The following ZNF613 variants were observed in gnomAD, a reference collection of about 807,000 sequenced individuals.
ZNF613 encodes zinc finger protein 613.
ZNF613 carries 8 observed loss-of-function variants against 14.3 expected under a neutral mutation model. The observed-to-expected ratio is 0.56, with a 90% CI of 0.33 to 1.01. ZNF613 has a LOEUF of 1.01. Among genes scored for constraint, ZNF613 ranks in the 50% least tolerant of loss-of-function variants. ZNF613 has a pLI of 0.03. For missense variants in ZNF613, 656 were observed against 741.9 expected (o/e 0.88, Z 1.35); for synonymous variants, 228 against 254.5 (o/e 0.90, Z 0.99).
intron 2 of ZNF613, among the ~76,000 whole-genome samples, chr19:51,931,830 C>T (rs1373858758): frequency 2.6e-5 from 4 of 152,144 alleles, no homozygotes; most frequent in South Asian, 2.1e-4. Flanking sequence ...CCGATTCTGT[C>T]GCTGTTTGGG....
At chr19:51,935,207 G>GC (rs2085297196) in intron 2 of ZNF613, among the ~76,000 whole-genome samples, 1 of 152,192 alleles carries the variant, frequency 6.6e-6, no homozygotes, top group East Asian at 1.9e-4. Context: ...CTGCTTTCAG[G>GC]CCAAGGGTGT....
Position 51,945,988 on chromosome 19 carries a change from A to G in ZNF613, c.*251A>G. On this transcript the variant is annotated 3_prime_UTR_variant, in exon 6 of 6. Coordinates refer to ENST00000293471, the MANE Select transcript of ZNF613 (RefSeq NM_001031721.4). ...CAGTGAGCTTATAGTTGGTAGAAAT[A>G]TAATGATCATGGAAAAGTCCTTGTT... The G allele has an allele frequency of 2.1e-6, 1 of 481,854 alleles. No homozygotes were observed. The highest frequency in any genetic ancestry group is 3.8e-6 in the Non-Finnish European group (1 of 266,126). The allele number at this position is 481,854 out of a possible 1,614,324, so 29.8% of individuals were successfully genotyped here. A position where few individuals can be genotyped will look rare whatever the true frequency, so the allele number is the denominator to read the frequency against.
At chr19:51,937,734 T>TTC (rs1409978710) in intron 3 of ZNF613, among the ~76,000 whole-genome samples, 2 of 147,268 alleles carry the variant, frequency 1.4e-5, no homozygotes, top group Non-Finnish European at 3.0e-5. Flanking sequence ...TCTTTTTTTT[T>TTC]TTTTTTTTTT....
intron 5 of ZNF613, among the ~76,000 whole-genome samples, chr19:51,943,035 A>G (rs1357980721): frequency 2.0e-5 from 3 of 152,180 alleles, no homozygotes; most frequent in African/African-American, 4.8e-5. Flanking sequence ...ATGAGGAAAC[A>G]TGAGGGAGTT....
intron 3 of ZNF613, 116 bp from the exon 4 acceptor site, chr19:51,940,093 C>A: frequency 1.5e-6 from 2 of 1,331,084 alleles, no homozygotes; most frequent in Non-Finnish European, 1.1e-6. Context: ...AAAATCACAG[C>A]ACCTAGATAT....
chr19:51,941,003 T>C (rs1238258322), intron 5 of ZNF613, among the ~76,000 whole-genome samples: 1 of 152,144 alleles, frequency 6.6e-6, no homozygotes, highest in Admixed American at 6.5e-5. Context: ...CAATCTTGGC[T>C]CACTGCATCC....
Position 51,944,253 on chromosome 19 carries a change from C to A in ZNF613, c.370C>A (p.Gln124Lys). ...GAGGAAAAGTGATTTTCCTTTAAGGCAAAATCATGATACATTTGACTTACA... is the reference window on the plus strand; with the variant it reads ...GAGGAAAAGTGATTTTCCTTTAAGGAAAAATCATGATACATTTGACTTACA... ...HQRKSDFPLR[Q>K]NHDTFDLHGK... Residue 124 changes from glutamine (Q) to lysine (K), a missense_variant, in exon 6 of 6, where the codon CAA (glutamine) becomes AAA (lysine). By Grantham distance (53) the Gln-to-Lys change is moderately conservative. Coordinates refer to ENST00000293471, the MANE Select transcript of ZNF613 (RefSeq NM_001031721.4). 6.2e-7 allele frequency: 1 copy of A among 1,610,238 alleles called. No individual in the cohort carries two copies. The highest frequency in any genetic ancestry group is 1.1e-5 in the South Asian group (1 of 90,306).
intron 5 of ZNF613, among the ~76,000 whole-genome samples, chr19:51,941,170 G>C (rs955782275): frequency 1.3e-5 from 2 of 152,218 alleles, no homozygotes; most frequent in Non-Finnish European, 2.9e-5. Context: ...GACCTCTGGT[G>C]ATCCACCTGC....
rs1322109188 is a variant in ZNF613, at chr19:51,936,156, C to T, written c.-65C>T. 5 of 1,506,436 alleles carry T rather than the reference C, an allele frequency of 3.3e-6. No homozygotes were observed. The highest frequency in any genetic ancestry group is 3.6e-6 in the Non-Finnish European group (4 of 1,114,544). 93.3% of individuals were successfully genotyped at this position (1,506,436 alleles called of 1,614,324 possible). On this transcript the variant is annotated 5_prime_UTR_variant, in exon 3 of 6. Coordinates refer to ENST00000293471, the MANE Select transcript of ZNF613 (RefSeq NM_001031721.4). Reference sequence around the variant, plus strand: ...AAGATTTCTAGCCAGAAATTGAGGGCAGCTCAAGGAGAGACTACAGACACA... The same window carrying T: ...AAGATTTCTAGCCAGAAATTGAGGGTAGCTCAAGGAGAGACTACAGACACA...
At chr19:51,943,623 G>A (rs2085367612) in intron 5 of ZNF613, among the ~76,000 whole-genome samples, 1 of 152,154 alleles carries the variant, frequency 6.6e-6, no homozygotes, top group African/African-American at 2.4e-5. Flanking sequence ...ATCTCTTGCT[G>A]TGCCTAGTTT....
Position 51,945,463 on chromosome 19 carries a change from T to G in ZNF613, c.1580T>G (p.Leu527Arg). Residue 527 changes from leucine (L) to arginine (R), a missense_variant, in exon 6 of 6, where the codon CTT becomes CGT. Coordinates refer to ENST00000293471, the MANE Select transcript of ZNF613 (RefSeq NM_001031721.4). ...AAAGCTTTCTCCCACTTGTCATGCCTTGTTTATCATAAGGGAATGCTGCAT... is the reference window on the plus strand; with the variant it reads ...AAAGCTTTCTCCCACTTGTCATGCCGTGTTTATCATAAGGGAATGCTGCAT... ...CGKAFSHLSCLVYHKGMLHAR... is the reference protein window; with the variant it reads ...CGKAFSHLSCRVYHKGMLHAR... 4.3e-6 allele frequency: 7 copies of G among 1,614,204 alleles called. No homozygotes were observed. Among genetic ancestry groups the G allele is most frequent in the Non-Finnish European group, 5.9e-6 (7 of 1,180,026 alleles).
chr19:51,929,577 C>G (rs2085247401), intron 1 of ZNF613, among the ~76,000 whole-genome samples, 155 bp from the exon 2 acceptor site: 1 of 152,190 alleles, frequency 6.6e-6, no homozygotes, highest in African/African-American at 2.4e-5. Context: ...CAAAAACTTT[C>G]AAACATATAA....
Position 51,944,223 on chromosome 19 carries a change from C to A in ZNF613, c.340C>A (p.His114Asn). The A allele has an allele frequency of 1.9e-6, 3 of 1,610,344 alleles. No individual in the cohort carries two copies. Among genetic ancestry groups the A allele is most frequent in the South Asian group, 1.1e-5 (1 of 90,412 alleles). The stretch of plus-strand genomic sequence containing the variant: ...ACATAATGCATTTGGAAACATCATT[C>A]ATCAGAGGAAAAGTGATTTTCCTTT... Reference protein sequence around the residue: ...HKHNAFGNIIHQRKSDFPLRQ... With the variant: ...HKHNAFGNIINQRKSDFPLRQ... The change falls in exon 6 of 6, where the codon CAT becomes AAT. Residue 114 changes from histidine (H) to asparagine (N), a missense_variant. Transcript: ENST00000293471.
At chr19:51,934,109 C>CT (rs939556930) in intron 2 of ZNF613, among the ~76,000 whole-genome samples, 6 of 151,844 alleles carry the variant, frequency 4.0e-5, no homozygotes, top group Admixed American at 2.6e-4. Context: ...GGCCAGTCAC[C>CT]TTTTTTTTGA....
In ZNF613 at chr19:51,936,050, G is replaced by A; in HGVS notation, c.-171G>A. ...CAGCCCACAGGTCCTGACTTCAGGAGCAAGACACTTCAAGTGAGGTGAGGA... is the reference window on the plus strand; with the variant it reads ...CAGCCCACAGGTCCTGACTTCAGGAACAAGACACTTCAAGTGAGGTGAGGA... On this transcript the variant is annotated 5_prime_UTR_variant, in exon 3 of 6. Transcript: ENST00000293471. The A allele has an allele frequency of 1.8e-6, 1 of 571,190 alleles. No homozygotes were observed. The highest frequency in any genetic ancestry group is 3.0e-6 in the Non-Finnish European group (1 of 333,766). 35.4% of individuals were successfully genotyped at this position (571,190 alleles called of 1,614,324 possible). A position where few individuals can be genotyped will look rare whatever the true frequency, so the allele number is the denominator to read the frequency against.
chr19:51,942,499 T>A (rs2085357551), intron 5 of ZNF613, among the ~76,000 whole-genome samples: 3 of 152,250 alleles, frequency 2.0e-5, no homozygotes, highest in African/African-American at 7.2e-5. Flanking sequence ...TGAATTACCT[T>A]CCAAGTAGAC....
At chr19:51,930,281 A>G (rs567224106) in intron 2 of ZNF613, among the ~76,000 whole-genome samples, 41 of 147,354 alleles carry the variant, frequency 2.8e-4, no homozygotes, top group Non-Finnish European at 5.2e-4. Flanking sequence ...TTTTTTTTTG[A>G]GACAGAGTCT....
chr19:51,946,396 C>T lies in ZNF613; in HGVS notation c.*659C>T, dbSNP rs911018005. ...TGGTTAAATTTATAGCACAATGTAC[C>T]TCTTCCCCCTTTTTTGATAAGAGTC... On this transcript the variant is annotated 3_prime_UTR_variant, in exon 6 of 6. Coordinates refer to ENST00000293471, the MANE Select transcript of ZNF613 (RefSeq NM_001031721.4). 6.6e-6 allele frequency: 1 copy of T among 152,142 alleles called. No individual in the cohort carries two copies. The highest frequency in any genetic ancestry group is 2.4e-5 in the African/African-American group (1 of 41,416). The allele number at this position is 152,142 out of a possible 1,614,324, so 9.4% of individuals were successfully genotyped here.
rs2122830744 is a variant in ZNF613, at chr19:51,946,392, G to A, written c.*655G>A. 6.6e-6 allele frequency: 1 copy of A among 152,296 alleles called. No homozygotes were observed. Among genetic ancestry groups the A allele is most frequent in the East Asian group, 1.9e-4 (1 of 5,192 alleles). The allele number at this position is 152,296 out of a possible 1,614,324, so 9.4% of individuals were successfully genotyped here. A position where few individuals can be genotyped will look rare whatever the true frequency, so the allele number is the denominator to read the frequency against. ...TCATTGGTTAAATTTATAGCACAAT[G>A]TACCTCTTCCCCCTTTTTTGATAAG... On this transcript the variant is annotated 3_prime_UTR_variant, in exon 6 of 6. Coordinates refer to ENST00000293471, the MANE Select transcript of ZNF613 (RefSeq NM_001031721.4).
Sources: allele counts gnomAD v4.1 joint callset (sites outside exome capture counted in the v4.1 genomes callset), GRCh38; gene constraint gnomAD v4.1.1; transcripts MANE v1.5; gene names NCBI Gene and HGNC (gene_info 2026-07-23, HGNC 2026-07-21).